Variants in HAPLN1 observed in about 807,000 individuals in gnomAD.
HAPLN1 encodes hyaluronan and proteoglycan link protein 1.
A neutral mutation model predicts 36.5 loss-of-function variants in HAPLN1; 13 were observed. The observed-to-expected ratio is 0.36, with a 90% CI of 0.23 to 0.57. The LOEUF (loss-of-function observed/expected upper bound fraction) is 0.57, where lower values mean the gene tolerates loss of function less well. HAPLN1 is among the 20% of genes least tolerant of loss of function. The pLI is 0.83. For synonymous variants in HAPLN1, 202 were observed against 169.8 expected, an observed-to-expected ratio of 1.19 and a Z score of -1.48; for missense variants, 407 against 439.7, an observed-to-expected ratio of 0.93 and a Z score of 0.66.
At chr5:83,665,706 T>C (rs1478021713) in intron 2 of HAPLN1, among the ~76,000 whole-genome samples, 1 of 152,192 alleles carries the variant, frequency 6.6e-6, no homozygotes, top group African/African-American at 2.4e-5. Flanking sequence ...AAATCCAAAA[T>C]GTCTGTTTTT....
intron 1 of HAPLN1, among the ~76,000 whole-genome samples, chr5:83,715,194 C>A (rs1751890499): frequency 6.6e-6 from 1 of 152,124 alleles, no homozygotes; most frequent in Non-Finnish European, 1.5e-5. Context: ...TTACAGAAAA[C>A]AAAACATTTA....
chr5:83,682,658 A>G (rs1361800075), intron 1 of HAPLN1: 2 of 152,186 alleles, frequency 1.3e-5, no homozygotes, highest in Admixed American at 6.5e-5. Context: ...TCATTGGTAT[A>G]TAAGTAACAA....
At chr5:83,702,725 T>C (rs996533436) in intron 1 of HAPLN1, among the ~76,000 whole-genome samples, 1 of 133,758 alleles carries the variant, frequency 7.5e-6, no homozygotes, top group Non-Finnish European at 1.6e-5. Context: ...ATGCCCTCTT[T>C]TTTTTTCCCC....
chr5:83,703,575 G>C (rs1311636032), intron 1 of HAPLN1: 1 of 152,094 alleles, frequency 6.6e-6, no homozygotes, highest in Non-Finnish European at 1.5e-5. Flanking sequence ...AGACCAAGCT[G>C]AGGGAAGAAT....
chr5:83,670,678 T>C (rs1460809086), intron 2 of HAPLN1, among the ~76,000 whole-genome samples: 1 of 142,962 alleles, frequency 7.0e-6, no homozygotes, highest in Admixed American at 7.4e-5. Flanking sequence ...ATCTGCCTTT[T>C]TACCTTTGTT....
chr5:83,683,019 T>C (rs572509058), intron 1 of HAPLN1, among the ~76,000 whole-genome samples: 47 of 152,332 alleles, frequency 3.1e-4, no homozygotes, highest in African/African-American at 1.1e-3. Flanking sequence ...ATCTACATAA[T>C]TTGTAGCTTT....
intron 1 of HAPLN1, among the ~76,000 whole-genome samples, chr5:83,718,105 C>T (rs1317762505): frequency 6.6e-6 from 1 of 152,136 alleles, no homozygotes; most frequent in Admixed American, 6.5e-5. Context: ...AAAACAAATC[C>T]TATATTAGAA....
chr5:83,661,315 G>A (rs1405118094), intron 2 of HAPLN1, among the ~76,000 whole-genome samples: 1 of 151,612 alleles, frequency 6.6e-6, no homozygotes, highest in Non-Finnish European at 1.5e-5. Context: ...TATTTCCTTG[G>A]GGGTTTCAGA....
At chr5:83,656,775 G>A (rs913475081) in intron 2 of HAPLN1, among the ~76,000 whole-genome samples, 1 of 152,126 alleles carries the variant, frequency 6.6e-6, no homozygotes, top group African/African-American at 2.4e-5. Context: ...TCACTGAACC[G>A]CTGGGGCCTC....
At chr5:83,658,370 T>A (rs1306173922) in intron 2 of HAPLN1, among the ~76,000 whole-genome samples, 4 of 152,182 alleles carry the variant, frequency 2.6e-5, no homozygotes, top group Non-Finnish European at 5.9e-5. Context: ...ATGCAATAAG[T>A]GTCTATGACT....
intron 2 of HAPLN1, among the ~76,000 whole-genome samples, chr5:83,670,714 T>A (rs913000737): frequency 3.5e-5 from 5 of 144,658 alleles, no homozygotes; most frequent in Non-Finnish European, 7.6e-5. Flanking sequence ...TGTGTGTGTG[T>A]GATGGAGTCT....
intron 2 of HAPLN1, among the ~76,000 whole-genome samples, chr5:83,655,517 G>GGTGTGTGTGTGTGT (rs60890807): frequency 6.8e-6 from 1 of 147,774 alleles, no homozygotes; most frequent in Non-Finnish European, 1.5e-5. Context: ...TTCACTTTGG[G>GGTGTGTGTGTGTGT]GTGTGTGTGT....
chr5:83,666,432 G>A (rs1267000588), intron 2 of HAPLN1, among the ~76,000 whole-genome samples: 1 of 152,072 alleles, frequency 6.6e-6, no homozygotes, highest in Non-Finnish European at 1.5e-5. Flanking sequence ...ATACTATGCT[G>A]ATTTCAGCAC....
chr5:83,708,569 G>T (rs183050336), intron 1 of HAPLN1, among the ~76,000 whole-genome samples: 3 of 152,088 alleles, frequency 2.0e-5, no homozygotes, highest in Non-Finnish European at 4.4e-5. Context: ...TGAGGGTGGA[G>T]GTTGGGAAGA....
chr5:83,683,924 G>A (rs1178796998), intron 1 of HAPLN1, among the ~76,000 whole-genome samples: 2 of 152,070 alleles, frequency 1.3e-5, no homozygotes, highest in Non-Finnish European at 2.9e-5. Flanking sequence ...AAAAAACAGG[G>A]CCCCTACTGC....
chr5:83,648,713 T>G (rs934411986), intron 3 of HAPLN1, among the ~76,000 whole-genome samples: 15 of 152,150 alleles, frequency 9.9e-5, no homozygotes, highest in African/African-American at 3.6e-4. Flanking sequence ...TTGGTGCATG[T>G]TAGAAGACTG....
intron 3 of HAPLN1, among the ~76,000 whole-genome samples, chr5:83,648,283 AT>A (rs200860220): frequency 0.017 from 2,412 of 143,180 alleles, 62 homozygotes; most frequent in African/African-American, 0.055. Flanking sequence ...AGGATTTACA[AT>A]TTTTTTTTTT....
rs147266409 is a variant in HAPLN1 at position 83,708,262 on chromosome 5, G to A, written c.-27+12527C>T. 6.1e-3 allele frequency among the ~76,000 whole-genome samples: 931 copies of A among 152,220 alleles called. 9 individuals are homozygous for A. Among genetic ancestry groups the A allele is most frequent in the African/African-American group, 0.022 (894 of 41,544 alleles). On this transcript the variant is annotated intron_variant, in intron 1 of 4. Transcript: ENST00000274341. ...TTCTACCATAAAGATACCTGCACACGTATATTCATTGCAGCTCTATTGACA... is the reference window on the plus strand; with the variant it reads ...TTCTACCATAAAGATACCTGCACACATATATTCATTGCAGCTCTATTGACA...
chr5:83,698,390 C>T (rs547824907), intron 1 of HAPLN1, among the ~76,000 whole-genome samples: 1 of 151,998 alleles, frequency 6.6e-6, no homozygotes, highest in Non-Finnish European at 1.5e-5. Flanking sequence ...AATCTGCTAT[C>T]GATTTTTAAA....
Sources: allele counts gnomAD v4.1 joint callset (sites outside exome capture counted in the v4.1 genomes callset), GRCh38; gene constraint gnomAD v4.1.1; transcripts MANE v1.5; gene names NCBI Gene and HGNC (gene_info 2026-07-23, HGNC 2026-07-21).